Variants in CUL5 observed in about 807,000 individuals in gnomAD.
CUL5 encodes cullin 5.
A neutral mutation model predicts 108.8 loss-of-function variants in CUL5; 26 were observed. That is an observed-to-expected ratio of 0.24 (90% CI 0.18 to 0.33). CUL5 has a LOEUF of 0.33. CUL5 is among the 10% of genes least tolerant of loss of function. The pLI is 1.00. For synonymous variants in CUL5, 334 were observed against 298.0 expected (o/e 1.12, Z -1.25); for missense variants, 524 against 909.2 (o/e 0.58, Z 5.45).
At chr11:108,087,531 C>T (rs902122610) in intron 11 of CUL5, among the ~76,000 whole-genome samples, 1 of 152,112 alleles carries the variant, frequency 6.6e-6, no homozygotes, top group African/African-American at 2.4e-5. Context: ...TGGCATGCAC[C>T]TGTAGTCCCA....
In CUL5 at chr11:108,078,156, TTCC is replaced by T; in HGVS notation, c.1114-19_1114-17del. On this transcript the variant is annotated splice_polypyrimidine_tract_variant and intron_variant, in intron 10 of 18. Coordinates refer to ENST00000393094, the MANE Select transcript of CUL5 (RefSeq NM_003478.6). ...TATTTTCAATATTAAAAATATTTTA[TTCC>T]AAATTATTTTTTGCAGGCGTATAAA... is the stretch of plus-strand genomic sequence containing the variant. 7.3e-7 allele frequency: 1 copy of T among 1,377,136 alleles called. No homozygotes were observed. Among genetic ancestry groups the T allele is most frequent in the Non-Finnish European group, 1.0e-6 (1 of 993,540 alleles). The allele number at this position is 1,377,136 out of a possible 1,614,324, so 85.3% of individuals were successfully genotyped here.
At chr11:108,098,590 T>A in intron 18 of CUL5, 61 bp downstream of exon 18, 1 of 1,249,738 alleles carries the variant, frequency 8.0e-7, no homozygotes, top group South Asian at 1.9e-5. Context: ...TTTTTTTTTT[T>A]TAAATTTTGA....
At chr11:108,066,040 A>G (rs1450317790) in intron 7 of CUL5, among the ~76,000 whole-genome samples, 8 of 152,066 alleles carry the variant, frequency 5.3e-5, no homozygotes, top group Non-Finnish European at 7.4e-5. Flanking sequence ...TTACTTTTCT[A>G]TTCAAAAACT....
chr11:108,052,948 G>GAT, intron 5 of CUL5, 147 bp downstream of exon 5: 1 of 568,214 alleles, frequency 1.8e-6, no homozygotes, highest in Non-Finnish European at 2.9e-6. Context: ...GTAAGCAAAT[G>GAT]ATAATTCTGC....
chr11:108,026,988 C>CAA lies in CUL5; in HGVS notation c.25-6796_25-6795dup, dbSNP rs34941469. ...TGAAAGACAGAGTGAGACTCCGTCT[C>CAA]AAAAAAAAAAAAAAAAAAATTATTA... is the stretch of plus-strand genomic sequence containing the variant. On this transcript the variant is annotated intron_variant, in intron 1 of 18. Transcript: ENST00000393094. Among the ~76,000 whole-genome samples the CAA allele has an allele frequency of 5.7e-3, 554 of 97,160 alleles. 5 individuals are homozygous for CAA. The highest frequency in any genetic ancestry group is 0.018 in the African/African-American group (481 of 27,444). The allele number at this position is 97,160 out of a possible 152,430, so 63.7% of individuals were successfully genotyped here.
intron 2 of CUL5, among the ~76,000 whole-genome samples, chr11:108,034,643 G>C (rs1862683398): frequency 6.6e-6 from 1 of 152,112 alleles, no homozygotes; most frequent in South Asian, 2.1e-4. Context: ...TTTAGGAAAA[G>C]GGGGAAAGCT....
At chr11:108,087,292 A>G (rs1864242122) in intron 11 of CUL5, among the ~76,000 whole-genome samples, 1 of 152,216 alleles carries the variant, frequency 6.6e-6, no homozygotes, top group African/African-American at 2.4e-5. Flanking sequence ...AATTTTACAT[A>G]TGCATATATT....
At chr11:108,080,250 C>T (rs1056977938) in intron 11 of CUL5, among the ~76,000 whole-genome samples, 12 of 151,978 alleles carry the variant, frequency 7.9e-5, no homozygotes, top group African/African-American at 2.9e-4. Context: ...GCACACACCA[C>T]CATACTTTAC....
chr11:108,041,381 G>A (rs1320148062), intron 2 of CUL5, among the ~76,000 whole-genome samples: 1 of 151,178 alleles, frequency 6.6e-6, no homozygotes, highest in African/African-American at 2.4e-5. Flanking sequence ...AGGCTCAAGC[G>A]ATTCTCCTGC....
intron 8 of CUL5, among the ~76,000 whole-genome samples, chr11:108,071,718 G>C (rs1039862318): frequency 6.6e-6 from 1 of 151,392 alleles, no homozygotes; most frequent in Non-Finnish European, 1.5e-5. Context: ...AGCTAATTTT[G>C]TTTGTTTGTT....
intron 1 of CUL5, among the ~76,000 whole-genome samples, chr11:108,013,788 G>T (rs1487520537): frequency 6.6e-6 from 1 of 152,118 alleles, no homozygotes; most frequent in Non-Finnish European, 1.5e-5. Context: ...GTCTATAGAG[G>T]CCGGGCATGG....
intron 2 of CUL5, among the ~76,000 whole-genome samples, chr11:108,039,433 A>G (rs1172542068): frequency 1.3e-5 from 2 of 152,232 alleles, no homozygotes; most frequent in African/African-American, 4.8e-5. Flanking sequence ...ACATGTTTCC[A>G]GATACCCTTC....
At chr11:108,100,259 T>G (rs11606820) in intron 18 of CUL5, among the ~76,000 whole-genome samples, 20,352 of 152,166 alleles carry the variant, frequency 0.13, 1,439 homozygotes, top group African/African-American at 0.19. Context: ...AAAATAACTT[T>G]AGGCTCGGCG....
At chr11:108,089,423 T>A in intron 12 of CUL5, 69 bp from the exon 13 acceptor site, 1 of 1,190,682 alleles carries the variant, frequency 8.4e-7, no homozygotes, top group Non-Finnish European at 1.2e-6. Context: ...TTGGTGGATA[T>A]AGAAAGGTCT....
intron 11 of CUL5, among the ~76,000 whole-genome samples, chr11:108,086,229 A>C (rs1289031447): frequency 3.3e-5 from 5 of 152,202 alleles, no homozygotes; most frequent in Non-Finnish European, 7.3e-5. Context: ...CATCATAGTA[A>C]AACAGCTTAC....
chr11:108,049,663 T>C (rs886114411), intron 3 of CUL5, among the ~76,000 whole-genome samples: 1 of 152,194 alleles, frequency 6.6e-6, no homozygotes, highest in South Asian at 2.1e-4. Flanking sequence ...TATCCGTATT[T>C]CAGCTAATGG....
intron 8 of CUL5, among the ~76,000 whole-genome samples, chr11:108,071,302 C>G (rs546282016): frequency 1.3e-5 from 2 of 152,106 alleles, no homozygotes; most frequent in East Asian, 3.9e-4. Flanking sequence ...GCTGTGTTGC[C>G]CAACCTGGAA....
chr11:108,088,756 G>GTATTATC (rs1864283113), intron 12 of CUL5, 97 bp downstream of exon 12: 1 of 899,164 alleles, frequency 1.1e-6, no homozygotes, highest in Non-Finnish European at 1.6e-6. Context: ...ATTTAAAAAT[G>GTATTATC]TATTATCTGT....
At chr11:108,057,637 T>C (rs1863420193) in intron 7 of CUL5, among the ~76,000 whole-genome samples, 2 of 152,158 alleles carry the variant, frequency 1.3e-5, no homozygotes, top group Non-Finnish European at 2.9e-5. Flanking sequence ...TGTAACAGAC[T>C]GAAGGACAAA....
Sources: gnomAD v4.1 joint callset for allele counts (sites outside exome capture counted in the v4.1 genomes callset) on GRCh38, gnomAD v4.1.1 for gene constraint, MANE v1.5 for transcripts, NCBI Gene and HGNC (gene_info 2026-07-23, HGNC 2026-07-21) for gene names.